ABL1: variants seen among roughly 807,000 people sequenced by gnomAD.
ABL1 encodes ABL proto-oncogene 1, non-receptor tyrosine kinase.
Under a neutral mutation model 94.7 loss-of-function variants are expected in ABL1, and 11 were observed. That is an observed-to-expected ratio of 0.12 (90% CI 0.07 to 0.19). The LOEUF (loss-of-function observed/expected upper bound fraction) is 0.19. Ranked by LOEUF, ABL1 falls within the 10% of genes least tolerant of loss-of-function variation. The probability of loss-of-function intolerance (pLI) is 1.00; values close to 1 mark genes in which losing one functional copy is unlikely to be tolerated. For synonymous variants in ABL1, 656 were observed against 622.4 expected, an observed-to-expected ratio of 1.05 and a Z score of -0.80; for missense variants, 1,082 against 1,489.4, an observed-to-expected ratio of 0.73 and a Z score of 4.50.
At position 130,714,605 on chromosome 9, in the gene ABL1, TTG is replaced by T. The variant is rs1184906978; in HGVS notation, c.136+152_136+153del. The T allele has an allele frequency of 5.5e-6, 6 of 1,081,544 alleles. No individual in the cohort carries two copies. The African/African-American group carries it at 7.8e-5, about 14-fold the overall frequency. 67.0% of individuals were successfully genotyped at this position (1,081,544 alleles called of 1,614,324 possible). A position where few individuals can be genotyped will look rare whatever the true frequency, so the allele number is the denominator to read the frequency against. ...TAGTTATCTCTTAGTGGAACTTTCTTTGTATAAGAAAAAGTTACTTCGTGACT... is the reference window on the plus strand; with the variant it reads ...TAGTTATCTCTTAGTGGAACTTTCTTTATAAGAAAAAGTTACTTCGTGACT... On this transcript the variant is annotated intron_variant, in intron 1 of 10. Transcript: ENST00000372348.
chr9:130,833,969 G>T, upstream of ABL1: 1 of 452,784 alleles, frequency 2.2e-6, no homozygotes, highest in Admixed American at 2.4e-5. Flanking sequence ...AATCCACTTG[G>T]AATTTATTCT....
intron 1 of ABL1, among the ~76,000 whole-genome samples, chr9:130,745,555 C>G (rs774420071): frequency 6.6e-6 from 1 of 151,452 alleles, no homozygotes; most frequent in Non-Finnish European, 1.5e-5. Flanking sequence ...CTTGCATATT[C>G]TGGTCTATAA....
chr9:130,820,684 T>C (rs1312908419), intron 1 of ABL1, among the ~76,000 whole-genome samples: 1 of 152,206 alleles, frequency 6.6e-6, no homozygotes, highest in Non-Finnish European at 1.5e-5. Context: ...GCACAGTCTT[T>C]CTGTGTTTGC....
chr9:130,850,910 GTTTTTGTTTGTT>G (rs371725911), intron 1 of ABL1, among the ~76,000 whole-genome samples: 8,384 of 151,548 alleles, frequency 0.055, 231 homozygotes, highest in Admixed American at 0.086. Flanking sequence ...TTTTTTGTTT[GTTTTTGTTTGTT>G]TGTTTGTTTG....
chr9:130,753,073 G>C (rs1267971629), intron 1 of ABL1, among the ~76,000 whole-genome samples: 1 of 151,724 alleles, frequency 6.6e-6, no homozygotes, highest in Non-Finnish European at 1.5e-5. Flanking sequence ...TGGCTAACAC[G>C]GTGAAACCCC....
At position 130,835,542 on chromosome 9, in the gene ABL1, C is replaced by A; in HGVS notation, c.79+17C>A. The stretch of plus-strand genomic sequence containing the variant: ...ATCTGGAAGGTAAGCCCGGGCCGCA[C>A]GGGTTGGGCTGAGTAGCCGCGCGCC... On this transcript the variant is annotated intron_variant, in intron 1 of 10. Transcript: ENST00000318560. The surrounding 1 kb of genome is among the most constrained non-coding windows in gnomAD (Gnocchi z 4.6). The A allele has an allele frequency of 6.5e-7, 1 of 1,547,656 alleles. No homozygotes were observed. The highest frequency in any genetic ancestry group is 8.7e-7 in the Non-Finnish European group (1 of 1,144,398).
At chr9:130,804,950 T>C (rs1330419190) in intron 1 of ABL1, among the ~76,000 whole-genome samples, 6 of 152,270 alleles carry the variant, frequency 3.9e-5, no homozygotes, top group Non-Finnish European at 8.8e-5. Flanking sequence ...AACAAAGTTA[T>C]TGACTTGTCT....
intron 1 of ABL1, among the ~76,000 whole-genome samples, chr9:130,774,660 A>C (rs1832291119): frequency 6.6e-6 from 1 of 152,036 alleles, no homozygotes; most frequent in African/African-American, 2.4e-5. Flanking sequence ...CTCATCTGTT[A>C]AAAAAACAAA....
intron 1 of ABL1, among the ~76,000 whole-genome samples, chr9:130,783,314 A>T (rs972387225): frequency 1.3e-5 from 2 of 152,136 alleles, no homozygotes; most frequent in East Asian, 3.8e-4. Flanking sequence ...AGACCTGATG[A>T]GATGGAGGCT....
At chr9:130,845,347 CTT>C (rs1331369433) in intron 1 of ABL1, among the ~76,000 whole-genome samples, 4 of 143,886 alleles carry the variant, frequency 2.8e-5, no homozygotes, top group Admixed American at 7.0e-5. Context: ...CTTAACCTTT[CTT>C]TTTTTTTTTT....
At chr9:130,755,326 A>G (rs1018277191) in intron 1 of ABL1, among the ~76,000 whole-genome samples, 1 of 152,068 alleles carries the variant, frequency 6.6e-6, no homozygotes, top group Non-Finnish European at 1.5e-5. Context: ...TGATTCCATG[A>G]CTGTGAGTCT....
intron 1 of ABL1, among the ~76,000 whole-genome samples, chr9:130,772,252 G>T (rs1832261648): frequency 6.6e-6 from 1 of 152,064 alleles, no homozygotes; most frequent in South Asian, 2.1e-4. Context: ...CTGCATCTTT[G>T]GTAGAGAGAT....
Position 130,885,127 on chromosome 9 carries a change from C to T in ABL1, c.2837C>T (p.Ala946Val). The change falls in exon 11 of 11, where the codon GCC becomes GTC. Residue 946 changes from alanine (A) to valine (V), a missense_variant. By Grantham distance (64) the Ala-to-Val change is moderately conservative. Coordinates refer to ENST00000318560, the MANE Select transcript of ABL1 (RefSeq NM_005157.6). Reference sequence around the variant, plus strand: ...GTTGATGCTGTGAACAGTGACGCTGCCAAGCCCAGCCAGCCGGGAGAGGGC... The same window carrying T: ...GTTGATGCTGTGAACAGTGACGCTGTCAAGCCCAGCCAGCCGGGAGAGGGC... Reference protein sequence around the residue: ...SLVDAVNSDAAKPSQPGEGLK... With the variant: ...SLVDAVNSDAVKPSQPGEGLK... 1 of 1,612,488 alleles carries T rather than the reference C, an allele frequency of 6.2e-7. No individual in the cohort carries two copies. Among genetic ancestry groups the T allele is most frequent in the Non-Finnish European group, 8.5e-7 (1 of 1,179,682 alleles).
intron 1 of ABL1, among the ~76,000 whole-genome samples, chr9:130,771,752 C>CTTTCTTTCTTTCTTTCTTTCT (rs530081755): frequency 2.8e-5 from 3 of 106,904 alleles, no homozygotes; most frequent in African/African-American, 1.0e-4. Context: ...TTCTTTCTTT[C>CTTTCTTTCTTTCTTTCTTTCT]TTTTTTTTTT....
In ABL1 at chr9:130,718,960, A is replaced by G. The variant is rs75225066; in HGVS notation, c.136+4505A>G. 3.5e-4 allele frequency among the ~76,000 whole-genome samples: 54 copies of G among 152,292 alleles called. 1 individual carries two copies. Among genetic ancestry groups the G allele is most frequent in the Non-Finnish European group, 1.3e-4 (9 of 68,028 alleles). ...GGATGTTTGTTGCTGAAGTACTAAC[A>G]CTGAATGATGTCTGTGTTGTGGTGA... is the stretch of plus-strand genomic sequence containing the variant. On this transcript the variant is annotated intron_variant, in intron 1 of 10. Coordinates refer to the ABL1 transcript ENST00000372348.
intron 1 of ABL1, among the ~76,000 whole-genome samples, chr9:130,719,854 T>G (rs1831493878): frequency 6.6e-6 from 1 of 152,190 alleles, no homozygotes; most frequent in Non-Finnish European, 1.5e-5. Flanking sequence ...TTGTTGATGG[T>G]GAATCTGAAA....
chr9:130,770,839 T>C (rs557545488), intron 1 of ABL1, among the ~76,000 whole-genome samples: 3 of 152,174 alleles, frequency 2.0e-5, no homozygotes, highest in African/African-American at 7.2e-5. Context: ...CCCGGTACTA[T>C]CACATTCCCA....
intron 3 of ABL1, among the ~76,000 whole-genome samples, chr9:130,859,677 CTTTTTTTTTTTTTTTT>C (rs869234280): frequency 1.5e-4 from 12 of 78,460 alleles, no homozygotes; most frequent in African/African-American, 7.4e-4. Flanking sequence ...TCTTTCTTTC[CTTTTTTTTTTTTTTTT>C]TTTTTTTTTT....
chr9:130,853,096 C>T (rs1219926094), intron 1 of ABL1, among the ~76,000 whole-genome samples: 1 of 151,642 alleles, frequency 6.6e-6, no homozygotes, highest in Admixed American at 6.6e-5. Flanking sequence ...ACAGCTCTGC[C>T]TCTGGGAGCG....
Sources: allele counts gnomAD v4.1 joint callset (sites outside exome capture counted in the v4.1 genomes callset), GRCh38; gene constraint gnomAD v4.1.1; non-coding constraint Gnocchi (gnomAD v3.1); transcripts MANE v1.5; gene names NCBI Gene and HGNC (gene_info 2026-07-23, HGNC 2026-07-21).